MCMDC2: variants seen among roughly 807,000 people sequenced by gnomAD.
MCMDC2 encodes the protein minichromosome maintenance domain containing 2, also known as minichromosome maintenance domain-containing protein 2.
In MCMDC2, 54 loss-of-function variants were observed where a neutral mutation model predicts 75.8. The observed-to-expected ratio is 0.71, with a 90% CI of 0.57 to 0.89. The LOEUF (loss-of-function observed/expected upper bound fraction) is 0.89, where lower values mean the gene tolerates loss of function less well. MCMDC2 is among the 40% of genes least tolerant of loss of function. The probability of loss-of-function intolerance (pLI) is 0.00; values close to 1 mark genes in which losing one functional copy is unlikely to be tolerated. For missense variants in MCMDC2, 656 were observed against 780.4 expected (o/e 0.84, Z 1.90); for synonymous variants, 249 against 274.6 (o/e 0.91, Z 0.92).
intron 9 of MCMDC2, chr8:66,884,734 C>T (rs919402118): frequency 6.6e-6 from 1 of 151,890 alleles, no homozygotes; most frequent in African/African-American, 2.4e-5. Flanking sequence ...GAATTTTTTT[C>T]CTCACAGCCT....
intron 8 of MCMDC2, 53 bp from the exon 9 acceptor site, chr8:66,883,704 T>C: frequency 1.1e-6 from 1 of 936,704 alleles, no homozygotes; most frequent in Non-Finnish European, 1.7e-6. Flanking sequence ...ATATCTATAA[T>C]GTTGTCTTGT....
At chr8:66,893,412 C>T (rs1343278198) in intron 10 of MCMDC2, among the ~76,000 whole-genome samples, 1 of 152,110 alleles carries the variant, frequency 6.6e-6, no homozygotes, top group African/African-American at 2.4e-5. Flanking sequence ...TAAAGACATA[C>T]CTGAGATTGG....
At chr8:66,897,100 C>T in intron 12 of MCMDC2, 141 bp downstream of exon 12, 1 of 793,820 alleles carries the variant, frequency 1.3e-6, no homozygotes, top group Non-Finnish European at 1.9e-6. Context: ...ATTTTAAGGA[C>T]ATTGCATAGA....
intron 12 of MCMDC2, among the ~76,000 whole-genome samples, chr8:66,899,507 T>C (rs968841893): frequency 1.3e-5 from 2 of 152,146 alleles, no homozygotes; most frequent in Non-Finnish European, 2.9e-5. Flanking sequence ...TCTATGCTTT[T>C]CTTTTCTTTT....
intron 1 of MCMDC2, among the ~76,000 whole-genome samples, chr8:66,871,900 C>CAAAA (rs397939776): frequency 7.2e-6 from 1 of 138,726 alleles, no homozygotes; most frequent in African/African-American, 2.6e-5. Flanking sequence ...GACCCTGTCT[C>CAAAA]AAAAAAAAAA....
downstream of MCMDC2, chr8:66,926,198 C>T (rs1166990667): frequency 2.6e-5 from 4 of 152,150 alleles, no homozygotes; most frequent in Non-Finnish European, 4.4e-5. Context: ...AGTTACCTAC[C>T]TTGTTTATGA....
chr8:66,916,274 A>G (rs1813315706), intron 14 of MCMDC2, among the ~76,000 whole-genome samples: 1 of 152,172 alleles, frequency 6.6e-6, no homozygotes, highest in African/African-American at 2.4e-5. Context: ...GATCCAGGGT[A>G]CATGTATTGG....
chr8:66,874,893 T>TTACA (rs910042765), intron 4 of MCMDC2, among the ~76,000 whole-genome samples: 9 of 152,108 alleles, frequency 5.9e-5, no homozygotes, highest in Admixed American at 2.6e-4. Context: ...GTAGCTGGGA[T>TTACA]TACAGGTGCC....
In MCMDC2 at chr8:66,878,907, A is replaced by G. The variant is rs145000878; in HGVS notation, c.697A>G (p.Ile233Val). 7.5e-6 allele frequency: 12 copies of G among 1,600,124 alleles called. No individual in the cohort carries two copies. The highest frequency in any genetic ancestry group is 5.4e-5 in the African/African-American group (4 of 74,502). Reference protein sequence around the residue: ...NQPFRFQSLTIFLRDESVNKM... With the variant: ...NQPFRFQSLTVFLRDESVNKM... ...GCCATTTAGGTTTCAATCACTTACA[A>G]TTTTCCTAAGAGGTAAGTGAATTCT... The change falls in exon 7 of 15, where the codon ATT becomes GTT. Residue 233 changes from isoleucine (I) to valine (V), a missense_variant. By Grantham distance (29) the Ile-to-Val change is conservative (BLOSUM62 3). Transcript: ENST00000422365.
chr8:66,925,542 G>C (rs1261631851), downstream of MCMDC2: 1 of 152,384 alleles, frequency 6.6e-6, no homozygotes, highest in African/African-American at 2.4e-5. Context: ...CGCGGGAAAG[G>C]AAGAGCGACA....
rs527334525 is a variant in MCMDC2 at position 66,921,436 on chromosome 8, T to C, written c.*2267T>C. ...TATACAGGTTTTATACCATTTATCATATAAAAATTATAACCTTGGTAAAAG... is the reference window on the plus strand; with the variant it reads ...TATACAGGTTTTATACCATTTATCACATAAAAATTATAACCTTGGTAAAAG... On this transcript the variant is annotated 3_prime_UTR_variant, in exon 15 of 15. Coordinates refer to ENST00000422365, the MANE Select transcript of MCMDC2 (RefSeq NM_173518.5). 8.5e-5 allele frequency: 13 copies of C among 152,320 alleles called. No homozygotes were observed. Among genetic ancestry groups the C allele is most frequent in the African/African-American group, 3.1e-4 (13 of 41,586 alleles). The allele number at this position is 152,320 out of a possible 1,614,324, so 9.4% of individuals were successfully genotyped here.
intron 9 of MCMDC2, among the ~76,000 whole-genome samples, chr8:66,886,200 T>C (rs949711517): frequency 6.6e-6 from 1 of 151,184 alleles, no homozygotes; most frequent in Non-Finnish European, 1.5e-5. Flanking sequence ...GTTTCACTCT[T>C]GTTGCCCGGG....
intron 14 of MCMDC2, among the ~76,000 whole-genome samples, chr8:66,913,962 TAAA>T (rs961586876): frequency 1.3e-5 from 1 of 78,594 alleles, no homozygotes; most frequent in South Asian, 4.0e-4. Context: ...AGACTCTGTC[TAAA>T]AAAAAAAAAA....
At position 66,897,173 on chromosome 8, in the gene MCMDC2, C is replaced by T. The variant is rs1812395170; in HGVS notation, c.1626+214C>T. ...TATAATCCCAGCACTTTGAGAGGCC[C>T]AGGCGGGTGGCTCACTTGAGGCCAG... is the stretch of plus-strand genomic sequence containing the variant. On this transcript the variant is annotated intron_variant, in intron 12 of 14. Coordinates refer to ENST00000422365, the MANE Select transcript of MCMDC2 (RefSeq NM_173518.5). 2.0e-5 allele frequency among the ~76,000 whole-genome samples: 3 copies of T among 152,048 alleles called. No homozygotes were observed. The South Asian group carries it at 6.2e-4, about 32-fold the overall frequency.
Position 66,905,248 on chromosome 8 carries a change from G to T in MCMDC2, c.1792G>T (p.Ala598Ser). 1.3e-6 allele frequency: 2 copies of T among 1,484,470 alleles called. No homozygotes were observed. The highest frequency in any genetic ancestry group is 1.5e-5 in the South Asian group (1 of 68,148). The allele number at this position is 1,484,470 out of a possible 1,614,324, so 92.0% of individuals were successfully genotyped here. A position where few individuals can be genotyped will look rare whatever the true frequency, so the allele number is the denominator to read the frequency against. Residue 598 changes from alanine (A) to serine (S), a missense_variant, in exon 14 of 15, where the codon GCA becomes TCA. By Grantham distance (99) the Ala-to-Ser change is moderately conservative. Transcript: ENST00000422365. ...TAGCGTTTTCCTATCTGAAGCCCAT[G>T]CACGACTGAACTTAAGGAACAAAGT... ...KYLVFLSEAH[A>S]RLNLRNKVLK...
chr8:66,896,064 T>C, intron 10 of MCMDC2, 106 bp from the exon 11 acceptor site: 1 of 998,386 alleles, frequency 1.0e-6, no homozygotes. Flanking sequence ...TCTTTCACTA[T>C]CCAAAGTCTA....
Position 66,877,525 on chromosome 8 carries a change from A to C in MCMDC2, c.462A>C (p.Glu154Asp), listed in dbSNP as rs1161093444. Reference protein sequence around the residue: ...TQGARFLCSDEACPLSKGFQY... With the variant: ...TQGARFLCSDDACPLSKGFQY... ...GGGCAAGATTTCTTTGTTCAGATGA[A>C]GCATGCCCTCTTTCAAAAGGTAAAT... The change falls in exon 5 of 15, where the codon GAA becomes GAC. Residue 154 changes from glutamate to aspartate, a missense_variant. Glu to Asp is a conservative substitution (Grantham distance 45). Coordinates refer to ENST00000422365, the MANE Select transcript of MCMDC2 (RefSeq NM_173518.5). The C allele has an allele frequency of 6.3e-7, 1 of 1,597,766 alleles. No individual in the cohort carries two copies. Among genetic ancestry groups the C allele is most frequent in the Admixed American group, 1.8e-5 (1 of 55,066 alleles).
At chr8:66,873,218 T>C (rs1365288629) in intron 1 of MCMDC2, among the ~76,000 whole-genome samples, 2 of 152,224 alleles carry the variant, frequency 1.3e-5, no homozygotes, top group African/African-American at 4.8e-5. Flanking sequence ...TAATGTTTTA[T>C]GTTGGTCACT....
chr8:66,877,289 G>T, intron 4 of MCMDC2, 60 bp from the exon 5 acceptor site: 1 of 1,063,528 alleles, frequency 9.4e-7, no homozygotes, highest in East Asian at 2.6e-5. Flanking sequence ...TTACTATATT[G>T]TAATACAAGT....
Sources: allele counts gnomAD v4.1 joint callset (sites outside exome capture counted in the v4.1 genomes callset), GRCh38; gene constraint gnomAD v4.1.1; transcripts MANE v1.5; gene names NCBI Gene and HGNC (gene_info 2026-07-23, HGNC 2026-07-21).